Variants in PRH1 observed in about 807,000 individuals in gnomAD.
PRH1 encodes proline rich protein HaeIII subfamily 1.
Under a neutral mutation model 7.9 loss-of-function variants are expected in PRH1, and 7 were observed. The observed-to-expected ratio is 0.89, with a 90% CI of 0.50 to 1.67. The LOEUF is 1.67. Among genes scored for constraint, PRH1 ranks in the 40% most tolerant of loss-of-function variants. PRH1 has a pLI of 0.00. For synonymous variants in PRH1, 45 were observed against 80.8 expected, an observed-to-expected ratio of 0.56 and a Z score of 2.38; for missense variants, 109 against 223.6, an observed-to-expected ratio of 0.49 and a Z score of 3.27.
At chr12:11,023,099 A>G (rs1230796317) in intron 1 of PRH1, among the ~76,000 whole-genome samples, 1 of 152,158 alleles carries the variant, frequency 6.6e-6, no homozygotes, top group Non-Finnish European at 1.5e-5. Context: ...AGATTTAAAT[A>G]CCAGATTCTA....
chr12:11,044,716 T>C (rs190510628), intron 1 of PRH1, among the ~76,000 whole-genome samples: 187 of 152,214 alleles, frequency 1.2e-3, no homozygotes, highest in African/African-American at 4.3e-3. Flanking sequence ...CTCAACATCA[T>C]TGACCATCAG....
chr12:11,141,330 G>A (rs764674225), intron 1 of PRH1, among the ~76,000 whole-genome samples: 18 of 152,072 alleles, frequency 1.2e-4, no homozygotes, highest in African/African-American at 2.9e-4. Flanking sequence ...TGAAAAACAC[G>A]TTTTCCATTG....
Position 11,092,640 on chromosome 12 carries a change from C to A in PRH1, n.124-45452G>T, listed in dbSNP as rs866918531. Among the ~76,000 whole-genome samples the A allele has an allele frequency of 1.8e-5, 2 of 109,614 alleles. 1 individual carries two copies. Among genetic ancestry groups the A allele is most frequent in the Non-Finnish European group, 4.4e-5 (2 of 45,966 alleles). 71.9% of individuals were successfully genotyped at this position (109,614 alleles called of 152,430 possible). A position where few individuals can be genotyped will look rare whatever the true frequency, so the allele number is the denominator to read the frequency against. Reference sequence around the variant, plus strand: ...TACAATCCTCTTGCTAGCTACAGAGCGCTGATTGCTGTGGTTTTACAGTGC... The same window carrying A: ...TACAATCCTCTTGCTAGCTACAGAGAGCTGATTGCTGTGGTTTTACAGTGC... On this transcript the variant is annotated intron_variant and non_coding_transcript_variant, in intron 1 of 4. Coordinates refer to the PRH1 transcript ENST00000541977.
intron 1 of PRH1, among the ~76,000 whole-genome samples, chr12:11,126,778 T>C (rs1258014669): frequency 1.3e-5 from 2 of 152,330 alleles, no homozygotes; most frequent in East Asian, 3.9e-4. Context: ...ATATGATTAG[T>C]TAACAGTATA....
chr12:11,029,894 C>T (rs997587791), intron 1 of PRH1, among the ~76,000 whole-genome samples: 1 of 152,186 alleles, frequency 6.6e-6, no homozygotes, highest in African/African-American at 2.4e-5. Context: ...ACCAAAGATA[C>T]ATCCTCATTA....
rs115229396 is a variant in PRH1 at position 11,021,853 on chromosome 12, A to G, written c.-126+25167T>C. 63 of 1,614,264 alleles carry G rather than the reference A, an allele frequency of 3.9e-5. No individual in the cohort carries two copies. In the African/African-American group the frequency reaches 7.9e-4, roughly 20 times the overall value. ...TGATGTGATTATACACAGAAAGTAAATGGCAAATAACATGAGGAAGGAGGT... is the reference window on the plus strand; with the variant it reads ...TGATGTGATTATACACAGAAAGTAAGTGGCAAATAACATGAGGAAGGAGGT... On this transcript the variant is annotated intron_variant, in intron 1 of 3. Transcript: ENST00000539853.
chr12:10,990,106 G>C (rs1036972291), intron 1 of PRH1, among the ~76,000 whole-genome samples: 2 of 152,060 alleles, frequency 1.3e-5, no homozygotes, highest in African/African-American at 4.8e-5. Context: ...AAACAGCATG[G>C]TACTGGCATA....
At chr12:11,124,004 A>C (rs1288509624) in intron 1 of PRH1, among the ~76,000 whole-genome samples, 1 of 152,212 alleles carries the variant, frequency 6.6e-6, no homozygotes, top group East Asian at 1.9e-4. Flanking sequence ...TGAAAATGGT[A>C]ACAAATTCCT....
At chr12:10,938,836 C>G in intron 2 of PRH1, 3 of 1,613,598 alleles carry the variant, frequency 1.9e-6, no homozygotes, top group Non-Finnish European at 2.5e-6. Flanking sequence ...TTTTAACCCT[C>G]CACTTTAGGT....
At chr12:11,084,099 G>C (rs1285023438) in intron 1 of PRH1, among the ~76,000 whole-genome samples, 2 of 109,914 alleles carry the variant, frequency 1.8e-5, no homozygotes, top group South Asian at 5.0e-4. Context: ...AGATAGCACG[G>C]TCCAACCCCA....
At chr12:11,167,786 T>C (rs1009695253) in intron 1 of PRH1, among the ~76,000 whole-genome samples, 1 of 152,222 alleles carries the variant, frequency 6.6e-6, no homozygotes, top group Non-Finnish European at 1.5e-5. Context: ...CTTTGTAGCC[T>C]ACCTAGTTTA....
chr12:11,118,993 CAAAAAAAAA>C (rs3983928), downstream of PRH1, among the ~76,000 whole-genome samples: 1 of 75,576 alleles, frequency 1.3e-5, no homozygotes. Flanking sequence ...GACTCCATCT[CAAAAAAAAA>C]AAAAAAAAAA....
intron 1 of PRH1, among the ~76,000 whole-genome samples, chr12:10,981,601 C>T (rs1939359038): frequency 6.6e-6 from 1 of 152,060 alleles, no homozygotes; most frequent in Non-Finnish European, 1.5e-5. Flanking sequence ...TCTCGAACTC[C>T]TGACCTCAAG....
intron 1 of PRH1, among the ~76,000 whole-genome samples, chr12:11,021,215 C>T (rs1230744649): frequency 1.3e-5 from 2 of 152,124 alleles, no homozygotes; most frequent in African/African-American, 4.8e-5. Context: ...AAGATCCATT[C>T]TTATCATTGA....
chr12:10,929,245 T>G (rs1342192517), intron 2 of PRH1: 4 of 1,613,930 alleles, frequency 2.5e-6, no homozygotes, highest in East Asian at 2.2e-5. Context: ...CAGCATAAAG[T>G]TGGGAGTGAC....
rs1226680572 is a variant in PRH1, at chr12:11,096,671, C to G, written n.124-49483G>C. 3.5e-5 allele frequency among the ~76,000 whole-genome samples: 4 copies of G among 115,820 alleles called. 2 individuals are homozygous for G. Among genetic ancestry groups the G allele is most frequent in the Non-Finnish European group, 8.2e-5 (4 of 49,022 alleles). 76.0% of individuals were successfully genotyped at this position (115,820 alleles called of 152,430 possible). A position where few individuals can be genotyped will look rare whatever the true frequency, so the allele number is the denominator to read the frequency against. ...TGTTGCTGGGTCATCACCACAAACT[C>G]TTTTCACAGGGAAATTCAATGAGCA... On this transcript the variant is annotated intron_variant and non_coding_transcript_variant, in intron 1 of 4. Transcript: ENST00000541977.
chr12:10,944,133 G>C (rs1950447711), intron 2 of PRH1, among the ~76,000 whole-genome samples: 1 of 152,176 alleles, frequency 6.6e-6, no homozygotes, highest in African/African-American at 2.4e-5. Context: ...TTGGTAGTTT[G>C]ATAGGAATAA....
At chr12:10,968,746 A>C (rs1024507849) in intron 2 of PRH1, among the ~76,000 whole-genome samples, 11 of 152,254 alleles carry the variant, frequency 7.2e-5, no homozygotes, top group African/African-American at 1.2e-4. Context: ...GGGAGCACAC[A>C]GGTGAACAGG....
chr12:10,915,136 A>G (rs888359258), intron 2 of PRH1, among the ~76,000 whole-genome samples: 7 of 152,216 alleles, frequency 4.6e-5, no homozygotes, highest in Admixed American at 3.9e-4. Context: ...TCAAAAAAAC[A>G]AAAAACAAAC....
Sources: allele counts gnomAD v4.1 joint callset (sites outside exome capture counted in the v4.1 genomes callset), GRCh38; gene constraint gnomAD v4.1.1; transcripts MANE v1.5; gene names NCBI Gene and HGNC (gene_info 2026-07-23, HGNC 2026-07-21).